Variants in CTNNA3 observed in about 807,000 individuals in gnomAD.
The protein encoded by CTNNA3 is catenin alpha-3.
CTNNA3 carries 76 observed loss-of-function variants against 95.7 expected under a neutral mutation model. That is an observed-to-expected ratio of 0.79 (90% CI 0.66 to 0.96). CTNNA3 has a LOEUF of 0.96. Among genes scored for constraint, CTNNA3 ranks in the 40% least tolerant of loss-of-function variants. CTNNA3 has a pLI of 0.00. For synonymous variants in CTNNA3, 431 were observed against 374.4 expected (o/e 1.15, Z -1.74); for missense variants, 1,191 against 1,089.8 (o/e 1.09, Z -1.31).
Position 66,371,689 on chromosome 10 carries a change from C to T in CTNNA3, c.1732+7463G>A, listed in dbSNP as rs530126092. On this transcript the variant is annotated intron_variant, in intron 12 of 17. Transcript: ENST00000433211. Reference sequence around the variant, plus strand: ...TGCTTCTCATCATCCCCAACTTCCCCCTTTGCTAACAGACTTCAAAGCCCT... The same window carrying T: ...TGCTTCTCATCATCCCCAACTTCCCTCTTTGCTAACAGACTTCAAAGCCCT... 5.3e-5 allele frequency among the ~76,000 whole-genome samples: 8 copies of T among 152,202 alleles called. No homozygotes were observed. The South Asian group carries it at 1.7e-3, about 32-fold the overall frequency.
At chr10:66,475,724 C>G (rs547795690) in intron 11 of CTNNA3, among the ~76,000 whole-genome samples, 1 of 151,912 alleles carries the variant, frequency 6.6e-6, no homozygotes, top group Admixed American at 6.6e-5. Flanking sequence ...AAGATGCTGG[C>G]GAGGCTATGG....
chr10:66,509,474 T>C (rs72793614), intron 11 of CTNNA3, among the ~76,000 whole-genome samples: 23,178 of 151,994 alleles, frequency 0.15, 1,845 homozygotes, highest in Non-Finnish European at 0.17. Flanking sequence ...TTCCTTTATC[T>C]TTTTTTACTA....
intron 11 of CTNNA3, among the ~76,000 whole-genome samples, chr10:66,472,925 C>T (rs930952240): frequency 3.3e-5 from 5 of 151,678 alleles, no homozygotes; most frequent in African/African-American, 1.2e-4. Flanking sequence ...TTCATATAGC[C>T]TAAGAGATAA....
chr10:67,426,027 G>C (rs928820869), intron 5 of CTNNA3, among the ~76,000 whole-genome samples: 5 of 152,054 alleles, frequency 3.3e-5, no homozygotes, highest in African/African-American at 1.2e-4. Flanking sequence ...CTAAGGAAGA[G>C]ACTTTCCTTA....
At chr10:66,509,688 T>A (rs567153346) in intron 11 of CTNNA3, among the ~76,000 whole-genome samples, 7 of 152,148 alleles carry the variant, frequency 4.6e-5, no homozygotes, top group Admixed American at 1.3e-4. Flanking sequence ...AATATATAGA[T>A]GTATTTCTGG....
intron 7 of CTNNA3, among the ~76,000 whole-genome samples, chr10:66,883,258 C>T (rs186540803): frequency 1.1e-4 from 16 of 152,208 alleles, no homozygotes; most frequent in Non-Finnish European, 1.8e-4. Context: ...CAGGACCTTA[C>T]GTGGACTGAC....
intron 15 of CTNNA3, among the ~76,000 whole-genome samples, chr10:65,997,777 G>C (rs907246616): frequency 1.3e-5 from 2 of 152,124 alleles, no homozygotes; most frequent in Non-Finnish European, 2.9e-5. Context: ...AGCACTTTGG[G>C]AGGCCGAGAT....
At chr10:66,760,690 A>AAAT in intron 9 of CTNNA3, among the ~76,000 whole-genome samples, 1 of 152,328 alleles carries the variant, frequency 6.6e-6, no homozygotes, top group South Asian at 2.1e-4. Flanking sequence ...CGTAAGTAGA[A>AAAT]AATTTATAAA....
At chr10:67,016,270 G>A (rs1174125725) in intron 7 of CTNNA3, among the ~76,000 whole-genome samples, 1 of 152,218 alleles carries the variant, frequency 6.6e-6, no homozygotes, top group Non-Finnish European at 1.5e-5. Flanking sequence ...AGCTGGAAAT[G>A]TACTGAGGAA....
At chr10:66,117,025 A>C (rs1299562528) in intron 13 of CTNNA3, among the ~76,000 whole-genome samples, 3 of 152,112 alleles carry the variant, frequency 2.0e-5, no homozygotes, top group African/African-American at 7.2e-5. Context: ...ATATCACTGC[A>C]TGATTCCATT....
At chr10:66,015,358 A>G (rs2079074704) in intron 15 of CTNNA3, among the ~76,000 whole-genome samples, 1 of 152,132 alleles carries the variant, frequency 6.6e-6, no homozygotes. Flanking sequence ...TATTCAGAAT[A>G]TTGTCCACAT....
chr10:66,155,682 A>G (rs930128756), intron 13 of CTNNA3, among the ~76,000 whole-genome samples: 1 of 152,022 alleles, frequency 6.6e-6, no homozygotes, highest in African/African-American at 2.4e-5. Context: ...CTCATCTCAC[A>G]CCATACACAA....
At chr10:66,565,110 G>C (rs1842666430) in intron 10 of CTNNA3, among the ~76,000 whole-genome samples, 1 of 151,964 alleles carries the variant, frequency 6.6e-6, no homozygotes, top group African/African-American at 2.4e-5. Flanking sequence ...CTTATACCAG[G>C]AGCTTCTTGG....
chr10:67,277,491 T>C (rs1330912754), intron 5 of CTNNA3, among the ~76,000 whole-genome samples: 3 of 152,162 alleles, frequency 2.0e-5, no homozygotes, highest in Admixed American at 1.3e-4. Flanking sequence ...AGCATGGTAG[T>C]GTCAGAGGCC....
At chr10:66,540,779 C>T (rs1369481542) in intron 10 of CTNNA3, among the ~76,000 whole-genome samples, 2 of 151,946 alleles carry the variant, frequency 1.3e-5, no homozygotes, top group African/African-American at 4.8e-5. Context: ...ACAAAAGAAC[C>T]GCTGCATTCC....
intron 17 of CTNNA3, among the ~76,000 whole-genome samples, chr10:65,929,015 A>C (rs142010817): frequency 0.07 from 9,908 of 140,584 alleles, 372 homozygotes; most frequent in South Asian, 0.12. Context: ...TCCAAATGCT[A>C]TCCCTCCCCC....
At chr10:66,477,849 A>G (rs1284458266) in intron 11 of CTNNA3, among the ~76,000 whole-genome samples, 1 of 152,012 alleles carries the variant, frequency 6.6e-6, no homozygotes, top group East Asian at 1.9e-4. Context: ...CCTAACTTTA[A>G]ACATCCACTC....
chr10:65,925,448 T>G (rs759704836), intron 17 of CTNNA3, among the ~76,000 whole-genome samples: 32 of 152,140 alleles, frequency 2.1e-4, no homozygotes, highest in Non-Finnish European at 4.1e-4. Flanking sequence ...TATCTTTTCT[T>G]TTTTTTGAGA....
chr10:66,088,935 TTTC>T (rs2081103503), intron 14 of CTNNA3, among the ~76,000 whole-genome samples: 1 of 152,092 alleles, frequency 6.6e-6, no homozygotes, highest in Admixed American at 6.6e-5. Context: ...TGAGGAGTCA[TTTC>T]TTCTTATTAA....
Sources: allele counts gnomAD v4.1 joint callset (sites outside exome capture counted in the v4.1 genomes callset), GRCh38; gene constraint gnomAD v4.1.1; transcripts MANE v1.5; gene names NCBI Gene and HGNC (gene_info 2026-07-23, HGNC 2026-07-21).